The following FRAS1 variants were observed in gnomAD, a reference collection of about 807,000 sequenced individuals.
FRAS1 encodes Fraser extracellular matrix complex subunit 1.
FRAS1 carries 290 observed loss-of-function variants against 435.2 expected under a neutral mutation model. That is an observed-to-expected ratio of 0.67 (90% confidence interval 0.61 to 0.73). The LOEUF (loss-of-function observed/expected upper bound fraction) is 0.73. FRAS1 is among the 30% of genes least tolerant of loss of function. The pLI is 0.00. For synonymous variants in FRAS1, 1,800 were observed against 1,851.0 expected, an observed-to-expected ratio of 0.97 and a Z score of 0.71; for missense variants, 4,860 against 5,001.5, an observed-to-expected ratio of 0.97 and a Z score of 0.85.
rs75068388 is a variant in FRAS1, at chr4:78,105,701, T to C, written c.108+39685T>C. 4.0e-3 allele frequency among the ~76,000 whole-genome samples: 606 copies of C among 152,194 alleles called. 4 individuals are homozygous for C. Among genetic ancestry groups the C allele is most frequent in the African/African-American group, 0.014 (576 of 41,524 alleles). On this transcript the variant is annotated intron_variant, in intron 2 of 73. Transcript: ENST00000512123. ...ATAAAATAAGAAATGTGACAATATATAATCTCAGTGAATAAATTGTGAAAT... is the reference window on the plus strand; with the variant it reads ...ATAAAATAAGAAATGTGACAATATACAATCTCAGTGAATAAATTGTGAAAT...
chr4:78,534,386 T>C, intron 70 of FRAS1, 63 bp from the exon 71 acceptor site: 1 of 1,422,056 alleles, frequency 7.0e-7, no homozygotes, highest in Non-Finnish European at 9.7e-7. Flanking sequence ...GGAGGGTGAC[T>C]CAAATGACAT....
At chr4:78,280,488 A>C (rs928678344) in intron 10 of FRAS1, among the ~76,000 whole-genome samples, 4 of 152,072 alleles carry the variant, frequency 2.6e-5, no homozygotes, top group African/African-American at 9.7e-5. Flanking sequence ...TTTTCCCAAC[A>C]TAGTTGACTG....
At chr4:78,454,246 A>G (rs2645145) in intron 47 of FRAS1, among the ~76,000 whole-genome samples, 111,225 of 151,812 alleles carry the variant, frequency 0.73, 41,086 homozygotes, top group African/African-American at 0.77. Flanking sequence ...GTTCCGTCAG[A>G]CAAATCATGT....
intron 2 of FRAS1, among the ~76,000 whole-genome samples, chr4:78,211,895 T>G (rs1723521117): frequency 6.6e-6 from 1 of 152,132 alleles, no homozygotes; most frequent in Non-Finnish European, 1.5e-5. Context: ...TCATCTACTT[T>G]CTCTCTCTCA....
At chr4:78,100,746 G>C (rs1485010358) in intron 2 of FRAS1, among the ~76,000 whole-genome samples, 1 of 152,172 alleles carries the variant, frequency 6.6e-6, no homozygotes, top group Non-Finnish European at 1.5e-5. Flanking sequence ...TTTTACATAT[G>C]TGTGTGTGCG....
intron 61 of FRAS1, among the ~76,000 whole-genome samples, chr4:78,501,311 G>A (rs1188485220): frequency 1.3e-5 from 2 of 152,176 alleles, no homozygotes; most frequent in African/African-American, 4.8e-5. Context: ...CTTTTTTATG[G>A]CTACATAGCA....
intron 1 of FRAS1, among the ~76,000 whole-genome samples, chr4:78,064,211 A>G (rs1449312522): frequency 6.6e-6 from 1 of 150,664 alleles, no homozygotes; most frequent in Admixed American, 6.6e-5. Flanking sequence ...TAATAAAAAT[A>G]AATAAATAAA....
chr4:78,072,018 G>A (rs1057106309), intron 2 of FRAS1: 2 of 150,236 alleles, frequency 1.3e-5, no homozygotes, highest in Admixed American at 1.3e-4. Flanking sequence ...TGCTAAATAT[G>A]TTTTCTTTTT....
chr4:78,475,988 T>A (rs1719841591), intron 54 of FRAS1, among the ~76,000 whole-genome samples: 2 of 152,146 alleles, frequency 1.3e-5, no homozygotes, highest in African/African-American at 2.4e-5. Context: ...TCCCTTGGGG[T>A]AGGCTGGCTG....
intron 47 of FRAS1, among the ~76,000 whole-genome samples, chr4:78,453,421 A>G (rs1219703488): frequency 1.3e-5 from 2 of 152,188 alleles, no homozygotes; most frequent in African/African-American, 2.4e-5. Flanking sequence ...TGAATGAAGG[A>G]TGGAAGAAAG....
At chr4:78,467,051 C>T (rs1719553731) in intron 50 of FRAS1, among the ~76,000 whole-genome samples, 2 of 152,110 alleles carry the variant, frequency 1.3e-5, no homozygotes, top group Admixed American at 6.5e-5. Context: ...GTGTATCCAT[C>T]CCTTCAAACA....
At chr4:78,307,090 A>T (rs1435270468) in intron 14 of FRAS1, among the ~76,000 whole-genome samples, 2 of 151,948 alleles carry the variant, frequency 1.3e-5, no homozygotes, top group African/African-American at 4.8e-5. Flanking sequence ...AACAGACAGG[A>T]CCCTCAGCTT....
At chr4:78,283,035 C>T in intron 12 of FRAS1, 68 bp downstream of exon 12, 1 of 1,200,356 alleles carries the variant, frequency 8.3e-7, no homozygotes, top group Non-Finnish European at 1.1e-6. Flanking sequence ...GATCCTCTTC[C>T]CCACCCCCTT....
At chr4:78,438,836 G>A (rs1734534791) in intron 39 of FRAS1, 66 bp from the exon 40 acceptor site, 1 of 1,518,492 alleles carries the variant, frequency 6.6e-7, no homozygotes, top group African/African-American at 1.4e-5. Flanking sequence ...TTTAAACAAA[G>A]ATGCTGCTGT....
rs574643355 is a variant in FRAS1 at position 78,059,855 on chromosome 4, G to C, written c.76+1770G>C. On this transcript the variant is annotated intron_variant, in intron 1 of 73. Coordinates refer to ENST00000512123, the MANE Select transcript of FRAS1 (RefSeq NM_025074.7). ...CTAGACTGGGAGGTGGGGATGGGGGGATGTGAAGCACAGAAAGCTGGGGGT... is the reference window on the plus strand; with the variant it reads ...CTAGACTGGGAGGTGGGGATGGGGGCATGTGAAGCACAGAAAGCTGGGGGT... Among the ~76,000 whole-genome samples, 3 of 126,068 alleles carry C rather than the reference G, an allele frequency of 2.4e-5. No homozygotes were observed. In the Admixed American group the frequency reaches 2.8e-4, roughly 12 times the overall value. The allele number at this position is 126,068 out of a possible 152,430, so 82.7% of individuals were successfully genotyped here. A position where few individuals can be genotyped will look rare whatever the true frequency, so the allele number is the denominator to read the frequency against.
At chr4:78,347,569 G>A (rs945748027) in intron 20 of FRAS1, among the ~76,000 whole-genome samples, 3 of 152,040 alleles carry the variant, frequency 2.0e-5, no homozygotes, top group African/African-American at 4.8e-5. Context: ...TCTTCCCCAC[G>A]CCACACTGCT....
At chr4:78,368,125 C>T (rs1429014190) in intron 22 of FRAS1, among the ~76,000 whole-genome samples, 1 of 147,898 alleles carries the variant, frequency 6.8e-6, no homozygotes, top group Non-Finnish European at 1.5e-5. Flanking sequence ...TTAAGATACA[C>T]CATGCATAAA....
At position 78,090,685 on chromosome 4, in the gene FRAS1, T is replaced by A. The variant is rs577175312; in HGVS notation, c.108+24669T>A. On this transcript the variant is annotated intron_variant, in intron 2 of 73. Coordinates refer to ENST00000512123, the MANE Select transcript of FRAS1 (RefSeq NM_025074.7). ...AAGCGCAGCTGTGTGTTGTGAAAAA[T>A]GATTTTCTCATTGTCATTAAGAGAA... Among the ~76,000 whole-genome samples the A allele has an allele frequency of 5.9e-5, 9 of 152,268 alleles. No homozygotes were observed. In the South Asian group the frequency reaches 6.2e-4, roughly 11 times the overall value.
chr4:78,100,240 C>T (rs1010268026), intron 2 of FRAS1, among the ~76,000 whole-genome samples: 3 of 152,214 alleles, frequency 2.0e-5, no homozygotes, highest in South Asian at 2.1e-4. Flanking sequence ...TGGTTGACCT[C>T]TCCCCTCTGC....
Sources: allele counts gnomAD v4.1 joint callset (sites outside exome capture counted in the v4.1 genomes callset), GRCh38; gene constraint gnomAD v4.1.1; transcripts MANE v1.5; gene names NCBI Gene and HGNC (gene_info 2026-07-23, HGNC 2026-07-21).